HS3ST4: variants seen among roughly 807,000 people sequenced by gnomAD.
The protein encoded by HS3ST4 is heparan sulfate-glucosamine 3-sulfotransferase 4.
In HS3ST4, 17 loss-of-function variants were observed where a neutral mutation model predicts 29.2. That is an observed-to-expected ratio of 0.58 (90% CI 0.40 to 0.87). The LOEUF (loss-of-function observed/expected upper bound fraction) is 0.87. Among genes scored for constraint, HS3ST4 ranks in the 40% least tolerant of loss-of-function variants. The pLI, the probability that HS3ST4 is intolerant of heterozygous loss-of-function variation, is 0.00. For missense variants in HS3ST4, 627 were observed against 634.5 expected (o/e 0.99, Z 0.13); for synonymous variants, 314 against 285.7 (o/e 1.10, Z -1.00).
chr16:25,804,345 A>T (rs1417927309), intron 1 of HS3ST4, among the ~76,000 whole-genome samples: 8 of 152,180 alleles, frequency 5.3e-5, no homozygotes, highest in Non-Finnish European at 1.2e-4. Context: ...TTGCTCAACG[A>T]GGTGATGAAA....
At chr16:25,766,507 T>C (rs569816545) in intron 1 of HS3ST4, among the ~76,000 whole-genome samples, 5 of 152,344 alleles carry the variant, frequency 3.3e-5, no homozygotes, top group Non-Finnish European at 7.3e-5. Context: ...TCTGTCTGTT[T>C]TTCCTGTCCA....
At chr16:26,024,732 CA>C (rs995048328) in intron 1 of HS3ST4, among the ~76,000 whole-genome samples, 1 of 151,620 alleles carries the variant, frequency 6.6e-6, no homozygotes. Context: ...GACTCCATCT[CA>C]AAAAAAAGTC....
At chr16:26,092,934 T>C (rs1413210841) in intron 1 of HS3ST4, among the ~76,000 whole-genome samples, 2 of 151,954 alleles carry the variant, frequency 1.3e-5, no homozygotes, top group African/African-American at 4.8e-5. Flanking sequence ...ACAAGGAGAT[T>C]CTCTCCCGTG....
rs185756847 is a variant in HS3ST4, at chr16:25,744,845, A to T, written c.734+51694A>T. 2.1e-3 allele frequency among the ~76,000 whole-genome samples: 318 copies of T among 152,248 alleles called. 4 individuals carry two copies. Among genetic ancestry groups the T allele is most frequent in the Non-Finnish European group, 7.1e-4 (48 of 68,010 alleles). On this transcript the variant is annotated intron_variant, in intron 1 of 1. Transcript: ENST00000331351. ...CTTTGCCTGCTGCCATCCATGTAAG[A>T]CGTGAATTGCTCCTCCTTGCCTTCC...
chr16:25,807,204 C>G (rs1283773027), intron 1 of HS3ST4, among the ~76,000 whole-genome samples: 3 of 152,154 alleles, frequency 2.0e-5, no homozygotes, highest in African/African-American at 7.2e-5. Context: ...GAACTCCTGA[C>G]CTCAGGTGAT....
At chr16:25,728,778 C>T (rs1331669178) in intron 1 of HS3ST4, among the ~76,000 whole-genome samples, 2 of 152,118 alleles carry the variant, frequency 1.3e-5, no homozygotes, top group Non-Finnish European at 2.9e-5. Flanking sequence ...TAACTAGTAA[C>T]ACCCTTAAAA....
At chr16:25,851,379 T>C (rs1296017871) in intron 1 of HS3ST4, among the ~76,000 whole-genome samples, 1 of 152,226 alleles carries the variant, frequency 6.6e-6, no homozygotes, top group Non-Finnish European at 1.5e-5. Flanking sequence ...TTATGTGATA[T>C]TACAGAGCGG....
At chr16:25,998,899 A>G (rs1412214456) in intron 1 of HS3ST4, among the ~76,000 whole-genome samples, 15 of 152,246 alleles carry the variant, frequency 9.9e-5, no homozygotes, top group Admixed American at 9.8e-4. Context: ...GTGCTTTGAA[A>G]GAATGCCATA....
At chr16:25,898,940 A>G (rs930245157) in intron 1 of HS3ST4, among the ~76,000 whole-genome samples, 1 of 152,208 alleles carries the variant, frequency 6.6e-6, no homozygotes, top group Non-Finnish European at 1.5e-5. Context: ...ATGCTCTCCT[A>G]TTCGCTAACA....
chr16:25,801,581 A>G (rs1260700656), intron 1 of HS3ST4, among the ~76,000 whole-genome samples: 2 of 152,208 alleles, frequency 1.3e-5, no homozygotes, highest in African/African-American at 4.8e-5. Flanking sequence ...GAGGAAGATA[A>G]GGTCTGGTGA....
At chr16:25,908,725 C>G (rs1317712144) in intron 1 of HS3ST4, among the ~76,000 whole-genome samples, 1 of 152,100 alleles carries the variant, frequency 6.6e-6, no homozygotes, top group Non-Finnish European at 1.5e-5. Context: ...ATGGCAAGAG[C>G]GTGTTATCAG....
At chr16:26,096,148 C>T (rs1430614355) in intron 1 of HS3ST4, among the ~76,000 whole-genome samples, 1 of 152,106 alleles carries the variant, frequency 6.6e-6, no homozygotes, top group Admixed American at 6.5e-5. Context: ...GATTCACAGC[C>T]GAATACTACC....
chr16:26,120,054 TGTGTG>T (rs370510672), intron 1 of HS3ST4, among the ~76,000 whole-genome samples: 9 of 40,210 alleles, frequency 2.2e-4, no homozygotes, highest in African/African-American at 8.9e-4. Flanking sequence ...CTGAAGGAAG[TGTGTG>T]TGTGTGTGTG....
In HS3ST4 at chr16:25,794,660, G is replaced by GT. The variant is rs371330955; in HGVS notation, c.734+101515dup. On this transcript the variant is annotated intron_variant, in intron 1 of 1. Coordinates refer to ENST00000331351, the MANE Select transcript of HS3ST4 (RefSeq NM_006040.3). The stretch of plus-strand genomic sequence containing the variant: ...CCTGGATGCTTTGAAATTTTTCTCT[G>GT]TTTTTTGTTTTCTCTGTTTGTTTCA... 2.4e-3 allele frequency among the ~76,000 whole-genome samples: 369 copies of GT among 151,668 alleles called. 1 individual carries two copies. Among genetic ancestry groups the GT allele is most frequent in the African/African-American group, 8.4e-3 (346 of 41,350 alleles).
At chr16:26,041,356 GATA>G (rs201273713) in intron 1 of HS3ST4, among the ~76,000 whole-genome samples, 10 of 151,284 alleles carry the variant, frequency 6.6e-5, no homozygotes, top group African/African-American at 1.7e-4. Context: ...TAATAATAAT[GATA>G]ATAATAATAA....
intron 1 of HS3ST4, among the ~76,000 whole-genome samples, chr16:25,697,456 G>A (rs1420820525): frequency 6.6e-6 from 1 of 152,176 alleles, no homozygotes; most frequent in East Asian, 1.9e-4. Flanking sequence ...ATTTTAGATT[G>A]CTTACATGTT....
chr16:25,715,044 C>T (rs941482164), intron 1 of HS3ST4, among the ~76,000 whole-genome samples: 14 of 151,820 alleles, frequency 9.2e-5, no homozygotes, highest in Non-Finnish European at 1.5e-4. Context: ...CAGCGCCGGC[C>T]GGGCGCGGTG....
chr16:26,046,786 T>G (rs1323699155), intron 1 of HS3ST4, among the ~76,000 whole-genome samples: 7 of 152,152 alleles, frequency 4.6e-5, no homozygotes, highest in African/African-American at 1.7e-4. Context: ...CTAGGCACTG[T>G]TCCAAAGCCT....
At chr16:25,774,534 T>G (rs1288391701) in intron 1 of HS3ST4, among the ~76,000 whole-genome samples, 3 of 152,202 alleles carry the variant, frequency 2.0e-5, no homozygotes, top group Non-Finnish European at 4.4e-5. Flanking sequence ...CTGCCTGAGC[T>G]TTAATTCAGA....
Sources: allele counts gnomAD v4.1 joint callset (sites outside exome capture counted in the v4.1 genomes callset), GRCh38; gene constraint gnomAD v4.1.1; transcripts MANE v1.5; gene names NCBI Gene and HGNC (gene_info 2026-07-23, HGNC 2026-07-21).